Variants in RUNDC3B observed in about 807,000 individuals in gnomAD.
RUNDC3B encodes RUN domain containing 3B, also known as RUN domain-containing protein 3B.
RUNDC3B carries 33 observed loss-of-function variants against 58.4 expected under a neutral mutation model. That is an observed-to-expected ratio of 0.56 (90% confidence interval 0.43 to 0.75). RUNDC3B has a LOEUF of 0.75. RUNDC3B is among the 30% of genes least tolerant of loss of function. RUNDC3B has a pLI of 0.00. For missense variants in RUNDC3B, 501 were observed against 535.7 expected, an observed-to-expected ratio of 0.94 and a Z score of 0.64; for synonymous variants, 193 against 195.2, an observed-to-expected ratio of 0.99 and a Z score of 0.10.
At chr7:87,720,000 A>T (rs1830774948) in intron 4 of RUNDC3B, among the ~76,000 whole-genome samples, 3 of 149,694 alleles carry the variant, frequency 2.0e-5, no homozygotes, top group Admixed American at 2.0e-4. Flanking sequence ...CAAAAAAAAA[A>T]AAAAAAGAGA....
At chr7:87,709,488 T>C in intron 3 of RUNDC3B, 1 of 985,424 alleles carries the variant, frequency 1.0e-6, no homozygotes, top group East Asian at 1.1e-4. Context: ...CAGGGCAAGC[T>C]AAAAGGGATG....
chr7:87,799,288 A>C (rs1311598054), intron 8 of RUNDC3B, among the ~76,000 whole-genome samples: 3 of 152,244 alleles, frequency 2.0e-5, no homozygotes, highest in Non-Finnish European at 2.9e-5. Flanking sequence ...AACAATAAAC[A>C]GATAGCATCT....
chr7:87,697,699 A>G (rs1166601091), intron 2 of RUNDC3B, among the ~76,000 whole-genome samples: 1 of 152,228 alleles, frequency 6.6e-6, no homozygotes, highest in African/African-American at 2.4e-5. Context: ...AGTATGCACT[A>G]GACTCTTTGC....
At chr7:87,827,586 A>C (rs1254646676) in intron 10 of RUNDC3B, among the ~76,000 whole-genome samples, 1 of 152,204 alleles carries the variant, frequency 6.6e-6, no homozygotes, top group African/African-American at 2.4e-5. Context: ...TTACAAGGAA[A>C]GATATGTTTT....
chr7:87,660,296 A>G (rs1246543197), intron 2 of RUNDC3B, among the ~76,000 whole-genome samples: 3 of 152,018 alleles, frequency 2.0e-5, no homozygotes, highest in Non-Finnish European at 4.4e-5. Flanking sequence ...TTTCAACTCT[A>G]TTCAGGTTGT....
At chr7:87,794,621 G>GA (rs1835710993) in intron 8 of RUNDC3B, among the ~76,000 whole-genome samples, 3 of 126,862 alleles carry the variant, frequency 2.4e-5, no homozygotes, top group African/African-American at 6.2e-5. Context: ...AGTCTTTATA[G>GA]AAACAAAAAA....
At chr7:87,765,756 A>G (rs1311305696) in intron 6 of RUNDC3B, among the ~76,000 whole-genome samples, 1 of 152,078 alleles carries the variant, frequency 6.6e-6, no homozygotes, top group East Asian at 1.9e-4. Flanking sequence ...GGTGAGAAAA[A>G]TATATATTCT....
chr7:87,819,675 A>G (rs1234433482), intron 10 of RUNDC3B, among the ~76,000 whole-genome samples: 4 of 152,214 alleles, frequency 2.6e-5, no homozygotes, highest in East Asian at 1.9e-4. Context: ...AACAGAAACT[A>G]CAACAAACTG....
intron 8 of RUNDC3B, among the ~76,000 whole-genome samples, chr7:87,788,937 C>T (rs1389645181): frequency 6.6e-6 from 1 of 151,960 alleles, no homozygotes; most frequent in Non-Finnish European, 1.5e-5. Flanking sequence ...TTGAGAATAT[C>T]GACAATAATA....
chr7:87,657,201 C>T (rs544234815), intron 2 of RUNDC3B, among the ~76,000 whole-genome samples: 1 of 152,172 alleles, frequency 6.6e-6, no homozygotes, highest in African/African-American at 2.4e-5. Context: ...TAGTGGGTTG[C>T]CTGGATTTAC....
intron 10 of RUNDC3B, among the ~76,000 whole-genome samples, chr7:87,822,130 G>T (rs1167486411): frequency 6.6e-6 from 1 of 151,728 alleles, no homozygotes; most frequent in Non-Finnish European, 1.5e-5. Flanking sequence ...GAAAATTTCC[G>T]CAACCTACTC....
intron 2 of RUNDC3B, among the ~76,000 whole-genome samples, chr7:87,675,872 C>T (rs1826303990): frequency 6.6e-6 from 1 of 151,994 alleles, no homozygotes; most frequent in Non-Finnish European, 1.5e-5. Flanking sequence ...GGACTTAACA[C>T]CCAAAGTACA....
At chr7:87,734,152 G>A (rs1472707465) in intron 4 of RUNDC3B, among the ~76,000 whole-genome samples, 1 of 152,196 alleles carries the variant, frequency 6.6e-6, no homozygotes, top group East Asian at 1.9e-4. Flanking sequence ...AAATCTTGGT[G>A]AGGATTTTGA....
chr7:87,769,186 T>C (rs1424210043), intron 6 of RUNDC3B, among the ~76,000 whole-genome samples: 1 of 151,620 alleles, frequency 6.6e-6, no homozygotes, highest in East Asian at 1.9e-4. Flanking sequence ...TTTTTTTGTA[T>C]TTTTAGTAGA....
intron 2 of RUNDC3B, among the ~76,000 whole-genome samples, chr7:87,677,133 A>G: frequency 6.6e-6 from 1 of 152,168 alleles, no homozygotes; most frequent in East Asian, 1.9e-4. Context: ...TGGGTTATTT[A>G]TTGAAAGAAG....
chr7:87,716,540 TTC>T (rs1830565283), intron 4 of RUNDC3B, among the ~76,000 whole-genome samples: 1 of 152,208 alleles, frequency 6.6e-6, no homozygotes, highest in Admixed American at 6.5e-5. Flanking sequence ...CACAAAATAT[TTC>T]TGTTTTATGT....
chr7:87,674,066 T>C (rs886728098), intron 2 of RUNDC3B, among the ~76,000 whole-genome samples: 2 of 152,142 alleles, frequency 1.3e-5, no homozygotes, highest in Non-Finnish European at 1.5e-5. Flanking sequence ...CCCTCAAGGT[T>C]AGGAAGCTGC....
At chr7:87,780,893 G>C (rs1481302295) in intron 8 of RUNDC3B, among the ~76,000 whole-genome samples, 1 of 152,078 alleles carries the variant, frequency 6.6e-6, no homozygotes, top group Non-Finnish European at 1.5e-5. Flanking sequence ...AGACTTCCTT[G>C]TAATATAGTT....
At chr7:87,767,162 G>C (rs558619288) in intron 6 of RUNDC3B, among the ~76,000 whole-genome samples, 10 of 151,954 alleles carry the variant, frequency 6.6e-5, no homozygotes, top group African/African-American at 2.4e-4. Context: ...TCTTTGTGTT[G>C]TTTCCCAACC....
Sources: gnomAD v4.1 joint callset for allele counts (sites outside exome capture counted in the v4.1 genomes callset) on GRCh38, gnomAD v4.1.1 for gene constraint, MANE v1.5 for transcripts, NCBI Gene and HGNC (gene_info 2026-07-23, HGNC 2026-07-21) for gene names.